The following CNTNAP2 variants were observed in gnomAD, a reference collection of about 807,000 sequenced individuals.
CNTNAP2 encodes the protein contactin associated protein 2.
CNTNAP2 carries 98 observed loss-of-function variants against 155.2 expected under a neutral mutation model. The observed-to-expected ratio is 0.63, with a 90% CI of 0.54 to 0.75. CNTNAP2 has a LOEUF of 0.75. Ranked by LOEUF, CNTNAP2 falls within the 30% of genes least tolerant of loss-of-function variation. The probability of loss-of-function intolerance (pLI) is 0.00; values close to 1 mark genes in which losing one functional copy is unlikely to be tolerated. For missense variants in CNTNAP2, 1,727 were observed against 1,688.1 expected, an observed-to-expected ratio of 1.02 and a Z score of -0.40; for synonymous variants, 651 against 631.2, an observed-to-expected ratio of 1.03 and a Z score of -0.47.
At chr7:147,627,188 T>C (rs1410282433) in intron 12 of CNTNAP2, among the ~76,000 whole-genome samples, 3 of 152,022 alleles carry the variant, frequency 2.0e-5, no homozygotes, top group Non-Finnish European at 4.4e-5. Context: ...GTTTCAGACC[T>C]CTCCACTGAA....
intron 2 of CNTNAP2, among the ~76,000 whole-genome samples, chr7:146,809,959 T>G (rs1803034190): frequency 6.6e-6 from 1 of 152,178 alleles, no homozygotes; most frequent in African/African-American, 2.4e-5. Flanking sequence ...CTAAGTTGTT[T>G]CCTAGTTGTG....
At chr7:148,257,647 C>T (rs184425150) in intron 20 of CNTNAP2, among the ~76,000 whole-genome samples, 1 of 152,202 alleles carries the variant, frequency 6.6e-6, no homozygotes, top group African/African-American at 2.4e-5. Flanking sequence ...TTGTGGCTCT[C>T]AGCAATGTGG....
intron 3 of CNTNAP2, among the ~76,000 whole-genome samples, chr7:146,898,519 ACT>A (rs922482318): frequency 1.5e-4 from 22 of 151,496 alleles, no homozygotes; most frequent in Admixed American, 1.3e-4. Flanking sequence ...AAAAAAAAAA[ACT>A]CTTCTTACTG....
intron 11 of CNTNAP2, among the ~76,000 whole-genome samples, chr7:147,542,128 G>T (rs532967611): frequency 2.0e-5 from 3 of 152,090 alleles, no homozygotes; most frequent in Admixed American, 6.6e-5. Context: ...TAGAGTTGCC[G>T]GACACAGTGG....
intron 1 of CNTNAP2, among the ~76,000 whole-genome samples, chr7:146,485,269 T>C (rs1259097746): frequency 4.6e-5 from 7 of 152,106 alleles, no homozygotes; most frequent in Admixed American, 2.0e-4. Flanking sequence ...TAACCACTTA[T>C]TTATAAGGTG....
At chr7:146,242,277 C>T (rs1799574441) in intron 1 of CNTNAP2, among the ~76,000 whole-genome samples, 1 of 152,136 alleles carries the variant, frequency 6.6e-6, no homozygotes. Context: ...CCGTGGCTCA[C>T]ACCTGTAATC....
intron 1 of CNTNAP2, among the ~76,000 whole-genome samples, chr7:146,603,422 A>G (rs914844615): frequency 2.0e-5 from 3 of 150,808 alleles, no homozygotes; most frequent in African/African-American, 7.3e-5. Context: ...AAAAAAAAAA[A>G]AGATACAAAC....
chr7:147,673,834 G>A (rs1396113778), intron 13 of CNTNAP2, among the ~76,000 whole-genome samples: 1 of 151,990 alleles, frequency 6.6e-6, no homozygotes, highest in Non-Finnish European at 1.5e-5. Flanking sequence ...CTGAAATATA[G>A]GAAGCAAATG....
chr7:147,393,819 T>G (rs1427066610), intron 9 of CNTNAP2, among the ~76,000 whole-genome samples: 1 of 152,014 alleles, frequency 6.6e-6, no homozygotes, highest in African/African-American at 2.4e-5. Context: ...ACAATCTTAT[T>G]TTTATACAGT....
intron 1 of CNTNAP2, among the ~76,000 whole-genome samples, chr7:146,608,144 A>G (rs1799078169): frequency 6.6e-6 from 1 of 152,246 alleles, no homozygotes; most frequent in African/African-American, 2.4e-5. Flanking sequence ...TTTCTTGATC[A>G]TGGCAGCAGG....
At chr7:146,990,445 C>A (rs1563034508) in intron 3 of CNTNAP2, among the ~76,000 whole-genome samples, 1 of 151,964 alleles carries the variant, frequency 6.6e-6, no homozygotes, top group Admixed American at 6.6e-5. Flanking sequence ...TTCCTTTAAC[C>A]TTCTTTCTCA....
intron 7 of CNTNAP2, among the ~76,000 whole-genome samples, chr7:147,131,515 AG>A (rs1416396819): frequency 1.3e-5 from 2 of 151,128 alleles, no homozygotes; most frequent in African/African-American, 4.9e-5. Flanking sequence ...ATAGAAGGGG[AG>A]GGGAAAGCCT....
chr7:146,683,426 T>C (rs1800540164), intron 1 of CNTNAP2, among the ~76,000 whole-genome samples: 1 of 152,220 alleles, frequency 6.6e-6, no homozygotes, highest in South Asian at 2.1e-4. Flanking sequence ...ATGGTTAATC[T>C]CTTTATAGAT....
intron 8 of CNTNAP2, among the ~76,000 whole-genome samples, chr7:147,155,319 C>T (rs1423787686): frequency 1.3e-5 from 2 of 152,160 alleles, no homozygotes; most frequent in African/African-American, 2.4e-5. Flanking sequence ...CTGGACTTCT[C>T]AACCTTCCTA....
intron 9 of CNTNAP2, among the ~76,000 whole-genome samples, chr7:147,383,567 C>A (rs1191695320): frequency 6.6e-6 from 1 of 151,826 alleles, no homozygotes; most frequent in East Asian, 1.9e-4. Flanking sequence ...GGGAGTTGAA[C>A]AATGAGAACA....
At chr7:147,813,969 A>G (rs1414754435) in intron 13 of CNTNAP2, among the ~76,000 whole-genome samples, 1 of 152,126 alleles carries the variant, frequency 6.6e-6, no homozygotes, top group Admixed American at 6.5e-5. Context: ...GACAAGCTCA[A>G]AGGACAAAGT....
intron 3 of CNTNAP2, among the ~76,000 whole-genome samples, chr7:147,024,731 T>C (rs1798871154): frequency 6.6e-6 from 1 of 152,140 alleles, no homozygotes; most frequent in African/African-American, 2.4e-5. Flanking sequence ...TGTTAACACA[T>C]GTAGGGAGAG....
At chr7:147,710,875 T>C (rs1322245522) in intron 13 of CNTNAP2, among the ~76,000 whole-genome samples, 1 of 152,178 alleles carries the variant, frequency 6.6e-6, no homozygotes, top group African/African-American at 2.4e-5. Flanking sequence ...GGAAATTAAT[T>C]TGATGCTTCT....
At chr7:146,316,673 C>T (rs754830781) in intron 1 of CNTNAP2, among the ~76,000 whole-genome samples, 4 of 152,202 alleles carry the variant, frequency 2.6e-5, no homozygotes, top group African/African-American at 9.6e-5. Flanking sequence ...CCATAAGATA[C>T]GTTTACGCAA....
Sources: gnomAD v4.1 joint callset for allele counts (sites outside exome capture counted in the v4.1 genomes callset) on GRCh38, gnomAD v4.1.1 for gene constraint, MANE v1.5 for transcripts, NCBI Gene and HGNC (gene_info 2026-07-23, HGNC 2026-07-21) for gene names.